Variants in CORIN observed in about 807,000 individuals in gnomAD.
CORIN encodes atrial natriuretic peptide-converting enzyme.
A neutral mutation model predicts 125.3 loss-of-function variants in CORIN; 117 were observed. That is an observed-to-expected ratio of 0.93 (90% CI 0.80 to 1.09). The LOEUF (loss-of-function observed/expected upper bound fraction) is 1.09. Among genes scored for constraint, CORIN ranks in the 50% least tolerant of loss-of-function variants. The pLI is 0.00. For synonymous variants in CORIN, 450 were observed against 466.4 expected (o/e 0.96, Z 0.45); for missense variants, 1,253 against 1,306.7 (o/e 0.96, Z 0.63).
At chr4:47,811,860 C>T (rs1732078078) in intron 1 of CORIN, among the ~76,000 whole-genome samples, 1 of 152,176 alleles carries the variant, frequency 6.6e-6, no homozygotes, top group South Asian at 2.1e-4. Flanking sequence ...ACTACAACAA[C>T]ATTGAGTAGT....
At chr4:47,621,538 GT>G (rs1678570962) in intron 19 of CORIN, among the ~76,000 whole-genome samples, 1 of 152,116 alleles carries the variant, frequency 6.6e-6, no homozygotes, top group Non-Finnish European at 1.5e-5. Context: ...TTTATGTTTG[GT>G]TTTGTTTGTT....
At chr4:47,724,823 G>A (rs1727513783) in intron 5 of CORIN, among the ~76,000 whole-genome samples, 1 of 152,180 alleles carries the variant, frequency 6.6e-6, no homozygotes, top group South Asian at 2.1e-4. Context: ...TAGGTCTACT[G>A]AGGATATTCT....
At chr4:47,718,734 T>C (rs1727213172) in intron 5 of CORIN, among the ~76,000 whole-genome samples, 1 of 152,212 alleles carries the variant, frequency 6.6e-6, no homozygotes, top group Non-Finnish European at 1.5e-5. Flanking sequence ...TTCAACAGGT[T>C]GCTGGCCTGT....
In CORIN at chr4:47,812,432, G is replaced by C. The variant is rs535629324; in HGVS notation, c.64-5385C>G. ...AGGTGGGAGGACTGCTTGAACCCAT[G>C]AGACTGAGGTTGCAGTGAGCCAAGA... On this transcript the variant is annotated intron_variant, in intron 1 of 21. Coordinates refer to ENST00000273857, the MANE Select transcript of CORIN (RefSeq NM_006587.4). 2.6e-5 allele frequency among the ~76,000 whole-genome samples: 4 copies of C among 152,272 alleles called. No homozygotes were observed. The South Asian group carries it at 8.3e-4, about 32-fold the overall frequency.
chr4:47,689,587 G>T (rs757286897), intron 6 of CORIN, among the ~76,000 whole-genome samples: 2 of 152,112 alleles, frequency 1.3e-5, no homozygotes, highest in Non-Finnish European at 2.9e-5. Context: ...TGAACTTTGT[G>T]GCAGCTATTT....
chr4:47,817,628 A>T (rs891748075), intron 1 of CORIN, among the ~76,000 whole-genome samples: 1 of 152,202 alleles, frequency 6.6e-6, no homozygotes, highest in Non-Finnish European at 1.5e-5. Flanking sequence ...CAAGAAGTAG[A>T]TGTGAGCTTC....
At chr4:47,696,369 T>C (rs1001277230) in intron 5 of CORIN, among the ~76,000 whole-genome samples, 2 of 152,214 alleles carry the variant, frequency 1.3e-5, no homozygotes, top group African/African-American at 4.8e-5. Context: ...GATTGATAAC[T>C]GGAACATTCG....
In CORIN at chr4:47,700,606, C is replaced by T. The variant is rs373939016; in HGVS notation, c.800-7523G>A. On this transcript the variant is annotated intron_variant, in intron 5 of 21. Transcript: ENST00000273857. ...ATTCCTCAGAGAACTGCCAGAGGCTCATGGCCTCTAAGTCCTCAAGTGAGT... is the reference window on the plus strand; with the variant it reads ...ATTCCTCAGAGAACTGCCAGAGGCTTATGGCCTCTAAGTCCTCAAGTGAGT... 5.3e-5 allele frequency among the ~76,000 whole-genome samples: 8 copies of T among 152,320 alleles called. No individual in the cohort carries two copies. In the South Asian group the frequency reaches 1.7e-3, roughly 32 times the overall value.
At chr4:47,753,240 A>G (rs1356478477) in intron 4 of CORIN, among the ~76,000 whole-genome samples, 1 of 152,200 alleles carries the variant, frequency 6.6e-6, no homozygotes, top group Non-Finnish European at 1.5e-5. Flanking sequence ...CACAAAGATC[A>G]CATGCTTTAA....
At chr4:47,763,730 AGTATGT>A in intron 3 of CORIN, 144 bp from the exon 4 acceptor site, 1 of 643,108 alleles carries the variant, frequency 1.6e-6, no homozygotes, top group Non-Finnish European at 2.7e-6. Flanking sequence ...GGTGCATGTA[AGTATGT>A]GTATGTGTAT....
intron 9 of CORIN, among the ~76,000 whole-genome samples, chr4:47,677,052 A>G (rs1190001706): frequency 6.6e-6 from 1 of 152,218 alleles, no homozygotes; most frequent in East Asian, 1.9e-4. Flanking sequence ...ATTTATCTAT[A>G]GGTGACCAGT....
At chr4:47,805,924 T>G (rs1441946926) in intron 2 of CORIN, among the ~76,000 whole-genome samples, 1 of 152,236 alleles carries the variant, frequency 6.6e-6, no homozygotes, top group East Asian at 1.9e-4. Flanking sequence ...ACATATTTTT[T>G]GAAATCCTGA....
At chr4:47,735,942 TAAAAAA>T (rs749270493) in intron 5 of CORIN, among the ~76,000 whole-genome samples, 3 of 96,408 alleles carry the variant, frequency 3.1e-5, no homozygotes, top group Non-Finnish European at 6.2e-5. Context: ...GACTCCATCT[TAAAAAA>T]AAAAAAAAAA....
intron 6 of CORIN, among the ~76,000 whole-genome samples, chr4:47,685,262 A>T (rs1013477277): frequency 1.3e-5 from 2 of 152,212 alleles, no homozygotes; most frequent in Non-Finnish European, 2.9e-5. Flanking sequence ...CTGGAAAAAA[A>T]TCCAACTACT....
intron 1 of CORIN, among the ~76,000 whole-genome samples, chr4:47,835,201 G>A (rs984011785): frequency 2.0e-5 from 3 of 152,186 alleles, no homozygotes; most frequent in Admixed American, 6.5e-5. Context: ...AGTATGTTTA[G>A]CCAGCCAGTA....
chr4:47,655,027 A>G (rs1178426559), intron 12 of CORIN, among the ~76,000 whole-genome samples: 3 of 152,036 alleles, frequency 2.0e-5, no homozygotes, highest in Non-Finnish European at 4.4e-5. Flanking sequence ...TAAGGCCCCC[A>G]TTCCAGGCCC....
chr4:47,793,090 G>T, intron 2 of CORIN, among the ~76,000 whole-genome samples: 1 of 152,040 alleles, frequency 6.6e-6, no homozygotes, highest in Non-Finnish European at 1.5e-5. Context: ...GAAACATTCA[G>T]GGGGGAAAAA....
intron 21 of CORIN, among the ~76,000 whole-genome samples, chr4:47,599,448 C>CAGTAA (rs72459837): frequency 0.36 from 54,900 of 151,908 alleles, 10,229 homozygotes; most frequent in Admixed American, 0.4. Context: ...AATTTACTCC[C>CAGTAA]AATTAAAGGT....
chr4:47,687,622 TC>T (rs1725575814), intron 6 of CORIN, among the ~76,000 whole-genome samples: 1 of 152,228 alleles, frequency 6.6e-6, no homozygotes, highest in Non-Finnish European at 1.5e-5. Flanking sequence ...AAAGGCTTTT[TC>T]TCAAAGGCTT....
Sources: gnomAD v4.1 joint callset for allele counts (sites outside exome capture counted in the v4.1 genomes callset) on GRCh38, gnomAD v4.1.1 for gene constraint, MANE v1.5 for transcripts, NCBI Gene and HGNC (gene_info 2026-07-23, HGNC 2026-07-21) for gene names.